SLC15A5: variants seen among roughly 807,000 people sequenced by gnomAD.
SLC15A5 encodes Peptide/histidine transporter ENSP00000340402.
SLC15A5 carries 58 observed loss-of-function variants against 56.1 expected under a neutral mutation model. That is an observed-to-expected ratio of 1.03 (90% CI 0.84 to 1.29). The LOEUF is 1.29. Among genes scored for constraint, SLC15A5 ranks in the 50% most tolerant of loss-of-function variants. The pLI is 0.00. For synonymous variants in SLC15A5, 264 were observed against 250.5 expected (o/e 1.05, Z -0.51); for missense variants, 681 against 672.1 (o/e 1.01, Z -0.15).
At chr12:16,226,022 T>A (rs1864237890) in intron 5 of SLC15A5, among the ~76,000 whole-genome samples, 1 of 152,216 alleles carries the variant, frequency 6.6e-6, no homozygotes, top group African/African-American at 2.4e-5. Flanking sequence ...TAACGCTTAC[T>A]TTATAGGGTG....
chr12:16,211,141 T>C (rs922953415), intron 7 of SLC15A5, among the ~76,000 whole-genome samples: 1 of 152,210 alleles, frequency 6.6e-6, no homozygotes, highest in African/African-American at 2.4e-5. Context: ...CCATATGAAG[T>C]TGGACCCGAG....
intron 8 of SLC15A5, among the ~76,000 whole-genome samples, chr12:16,191,181 T>C (rs958687893): frequency 6.6e-6 from 1 of 152,140 alleles, no homozygotes; most frequent in African/African-American, 2.4e-5. Flanking sequence ...GACAGGTAAG[T>C]CTGGCCTTAT....
At position 16,235,025 on chromosome 12, in the gene SLC15A5, TC is replaced by T. The variant is rs1249384089; in HGVS notation, c.1162+4655del. 6.6e-6 allele frequency among the ~76,000 whole-genome samples: 1 copy of T among 151,948 alleles called. No homozygotes were observed. Among genetic ancestry groups the T allele is most frequent in the Non-Finnish European group, 1.5e-5 (1 of 67,948 alleles). ...CTTTGGATCCATGATTTTGGCAAAT[TC>T]CCAGGATAGGAAATTTGCTCAGTGT... On this transcript the variant is annotated intron_variant, in intron 5 of 8. Transcript: ENST00000344941. This position sits in a 1 kb window ranked among gnomAD's most constrained non-coding sequence, Gnocchi z 4.1.
chr12:16,237,391 A>G lies in SLC15A5; in HGVS notation c.1162+2290T>C, dbSNP rs144196781. Among the ~76,000 whole-genome samples, 1,118 of 152,320 alleles carry G rather than the reference A, an allele frequency of 7.3e-3. 13 individuals are homozygous for G. Among genetic ancestry groups the G allele is most frequent in the African/African-American group, 0.026 (1,068 of 41,578 alleles). On this transcript the variant is annotated intron_variant, in intron 5 of 8. Coordinates refer to ENST00000344941, the MANE Select transcript of SLC15A5 (RefSeq NM_001170798.1). This position sits in a 1 kb window ranked among gnomAD's most constrained non-coding sequence, Gnocchi z 4.1. ...GGAGTGGGGTTCAGAAACAACTGAA[A>G]TCAGTATTCTGTACCCAGTGGAACG...
chr12:16,193,764 C>A, intron 8 of SLC15A5, among the ~76,000 whole-genome samples: 1 of 117,558 alleles, frequency 8.5e-6, no homozygotes. Flanking sequence ...CACAGCTGTC[C>A]AAGAATATGT....
chr12:16,277,178 A>G (rs1229803386), intron 1 of SLC15A5, 147 bp downstream of exon 1: 2 of 803,988 alleles, frequency 2.5e-6, no homozygotes, highest in African/African-American at 3.5e-5. Flanking sequence ...CAAATAGTAC[A>G]AAGAATGAAA....
chr12:16,257,050 A>G (rs1864583493), intron 3 of SLC15A5, among the ~76,000 whole-genome samples: 2 of 152,048 alleles, frequency 1.3e-5, no homozygotes, highest in African/African-American at 4.8e-5. Flanking sequence ...AAAGGAAACA[A>G]TTGGAGATTT....
chr12:16,231,234 A>T (rs1054054954), intron 5 of SLC15A5, among the ~76,000 whole-genome samples: 3 of 152,246 alleles, frequency 2.0e-5, no homozygotes, highest in African/African-American at 4.8e-5. Context: ...TCCAATATCT[A>T]GAGCAGTTTA....
chr12:16,198,298 G>A (rs1240683558), intron 7 of SLC15A5, among the ~76,000 whole-genome samples: 1 of 152,054 alleles, frequency 6.6e-6, no homozygotes, highest in African/African-American at 2.4e-5. Context: ...TTAAGAAAAG[G>A]AATTCATAAA....
At position 16,189,574 on chromosome 12, in the gene SLC15A5, ATATT is replaced by A; in HGVS notation, c.*90_*93del. On this transcript the variant is annotated 3_prime_UTR_variant, in exon 9 of 9. Coordinates refer to ENST00000344941, the MANE Select transcript of SLC15A5 (RefSeq NM_001170798.1). ...GATATTTGTAAAATCACCTCTGTAT[ATATT>A]GGCTTTTACACTAAAACACATAAAA... 1 of 1,090,298 alleles carries A rather than the reference ATATT, an allele frequency of 9.2e-7. No individual in the cohort carries two copies. The highest frequency in any genetic ancestry group is 1.2e-6 in the Non-Finnish European group (1 of 825,770). 67.5% of individuals were successfully genotyped at this position (1,090,298 alleles called of 1,614,324 possible). A position where few individuals can be genotyped will look rare whatever the true frequency, so the allele number is the denominator to read the frequency against.
At chr12:16,251,179 C>A (rs1157504775) in intron 3 of SLC15A5, among the ~76,000 whole-genome samples, 1 of 151,792 alleles carries the variant, frequency 6.6e-6, no homozygotes, top group African/African-American at 2.4e-5. Context: ...TTATGAGATG[C>A]AGCAAGAGTG....
intron 6 of SLC15A5, among the ~76,000 whole-genome samples, chr12:16,220,578 T>A (rs1671512): frequency 0.18 from 27,011 of 152,222 alleles, 2,451 homozygotes; most frequent in East Asian, 0.27. Flanking sequence ...AAAGTTTTAT[T>A]GGAACACAGC....
rs1863900033 is a variant in SLC15A5, at chr12:16,196,918, A to C, written c.1484-2465T>G. The stretch of plus-strand genomic sequence containing the variant: ...TAGATCCCCCTGGGCACACCAGAGC[A>C]CTCTCATCACTGGGGATGCTGTGGA... On this transcript the variant is annotated intron_variant, in intron 7 of 8. Transcript: ENST00000344941. The surrounding 1 kb of genome is among the most constrained non-coding windows in gnomAD (Gnocchi z 4.0). Among the ~76,000 whole-genome samples, 1 of 152,020 alleles carries C rather than the reference A, an allele frequency of 6.6e-6. No individual in the cohort carries two copies. Among genetic ancestry groups the C allele is most frequent in the Non-Finnish European group, 1.5e-5 (1 of 68,004 alleles).
rs1173403260 is a variant in SLC15A5 at position 16,269,626 on chromosome 12, C to G, written c.584+2935G>C. Among the ~76,000 whole-genome samples, 4 of 152,122 alleles carry G rather than the reference C, an allele frequency of 2.6e-5. No homozygotes were observed. The highest frequency in any genetic ancestry group is 5.9e-5 in the Non-Finnish European group (4 of 68,024). ...TGTTAAAATCAGAATATTTCAGATACCATGTAGAGTCAATTTGAGTACCAG... is the reference window on the plus strand; with the variant it reads ...TGTTAAAATCAGAATATTTCAGATAGCATGTAGAGTCAATTTGAGTACCAG... On this transcript the variant is annotated intron_variant, in intron 2 of 8. Coordinates refer to ENST00000344941, the MANE Select transcript of SLC15A5 (RefSeq NM_001170798.1). The surrounding 1 kb of genome is among the most constrained non-coding windows in gnomAD (Gnocchi z 4.7).
chr12:16,232,402 A>C (rs1451903954), intron 5 of SLC15A5, among the ~76,000 whole-genome samples: 3 of 152,182 alleles, frequency 2.0e-5, no homozygotes, highest in Non-Finnish European at 2.9e-5. Flanking sequence ...TCTGATCAAT[A>C]GGAGTTCAAA....
At chr12:16,258,095 A>G (rs1228156971) in intron 2 of SLC15A5, among the ~76,000 whole-genome samples, 1 of 152,196 alleles carries the variant, frequency 6.6e-6, no homozygotes, top group Admixed American at 6.5e-5. Flanking sequence ...CGATATAGAA[A>G]GAAGGCGCTC....
At position 16,224,531 on chromosome 12, in the gene SLC15A5, G is replaced by C; in HGVS notation, c.1234C>G (p.Pro412Ala). The change falls in exon 6 of 9, where the codon CCT becomes GCT. Residue 412 changes from proline (P) to alanine (A), a missense_variant. By Grantham distance (27) the Pro-to-Ala change is conservative. Coordinates refer to ENST00000344941, the MANE Select transcript of SLC15A5 (RefSeq NM_001170798.1). Reference sequence around the variant, plus strand: ...CCTGAAAGGGGCTGCTCCACTGCAGGGAAATGTTTTCGGTGTATTTCAAAG... The same window carrying C: ...CCTGAAAGGGGCTGCTCCACTGCAGCGAAATGTTTTCGGTGTATTTCAAAG... ...GFFEIHRKHF[P>A]AVEQPLSGKV... 6.5e-7 allele frequency: 1 copy of C among 1,537,094 alleles called. No homozygotes were observed. The highest frequency in any genetic ancestry group is 8.7e-7 in the Non-Finnish European group (1 of 1,146,854).
At chr12:16,247,780 G>C (rs4096885) in intron 3 of SLC15A5, among the ~76,000 whole-genome samples, 68,405 of 151,786 alleles carry the variant, frequency 0.45, 15,630 homozygotes, top group South Asian at 0.62. Context: ...AGATCATATA[G>C]CTCAAAGTAA....
At chr12:16,275,923 T>A (rs75225593) in intron 1 of SLC15A5, among the ~76,000 whole-genome samples, 5,218 of 152,046 alleles carry the variant, frequency 0.034, 217 homozygotes, top group East Asian at 0.17. Context: ...CGGTACCAAG[T>A]AGCAGCCTCA....
Sources: allele counts gnomAD v4.1 joint callset (sites outside exome capture counted in the v4.1 genomes callset), GRCh38; gene constraint gnomAD v4.1.1; non-coding constraint Gnocchi (gnomAD v3.1); transcripts MANE v1.5; gene names NCBI Gene and HGNC (gene_info 2026-07-23, HGNC 2026-07-21).